MCPH1: variants seen among roughly 807,000 people sequenced by gnomAD.
MCPH1 encodes the protein microcephalin.
A neutral mutation model predicts 84.5 loss-of-function variants in MCPH1; 104 were observed. The observed-to-expected ratio is 1.23, with a 90% CI of 1.05 to 1.45. The LOEUF (loss-of-function observed/expected upper bound fraction) is 1.45. Ranked by LOEUF, MCPH1 falls within the 40% of genes most tolerant of loss-of-function variation. The pLI is 0.00. For synonymous variants in MCPH1, 514 were observed against 366.8 expected, an observed-to-expected ratio of 1.40 and a Z score of -4.58; for missense variants, 1,498 against 1,005.7, an observed-to-expected ratio of 1.49 and a Z score of -6.62.
chr8:6,407,446 C>G (rs1797900859), intron 1 of MCPH1, among the ~76,000 whole-genome samples: 3 of 152,228 alleles, frequency 2.0e-5, no homozygotes, highest in African/African-American at 7.2e-5. Flanking sequence ...ACCGGAGCTG[C>G]TGTCCTAACC....
At chr8:6,493,744 C>G (rs1179466558) in intron 11 of MCPH1, among the ~76,000 whole-genome samples, 3 of 152,134 alleles carry the variant, frequency 2.0e-5, no homozygotes, top group Non-Finnish European at 4.4e-5. Context: ...GACCGGGGAT[C>G]TCTGTCGTAT....
rs1798130485 is a variant in MCPH1, at chr8:6,644,723, C to T, written c.*1674C>T. Reference sequence around the variant, plus strand: ...ACTGAGCCCTCATCGTGGTGCCGTTCCCGCTCTGGGTTATTTATCTGTTGC... The same window carrying T: ...ACTGAGCCCTCATCGTGGTGCCGTTTCCGCTCTGGGTTATTTATCTGTTGC... On this transcript the variant is annotated 3_prime_UTR_variant, in exon 14 of 14. Coordinates refer to ENST00000344683, the MANE Select transcript of MCPH1 (RefSeq NM_024596.5). The T allele has an allele frequency of 6.6e-6, 1 of 152,224 alleles. No individual in the cohort carries two copies. The highest frequency in any genetic ancestry group is 1.5e-5 in the Non-Finnish European group (1 of 68,046). 9.4% of individuals were successfully genotyped at this position (152,224 alleles called of 1,614,324 possible).
At position 6,642,984 on chromosome 8, in the gene MCPH1, C is replaced by T. The variant is rs776816440; in HGVS notation, c.2453-10C>T. On this transcript the variant is annotated splice_polypyrimidine_tract_variant and intron_variant, in intron 13 of 13. Coordinates refer to ENST00000344683, the MANE Select transcript of MCPH1 (RefSeq NM_024596.5). Reference sequence around the variant, plus strand: ...TATGAATGCTAAACTGCTTTTCGCTCTCTCTCTAGATTCCATCACCCAGCA... The same window carrying T: ...TATGAATGCTAAACTGCTTTTCGCTTTCTCTCTAGATTCCATCACCCAGCA... 3 of 1,613,694 alleles carry T rather than the reference C, an allele frequency of 1.9e-6. No homozygotes were observed. The highest frequency in any genetic ancestry group is 2.7e-5 in the African/African-American group (2 of 75,014).
At chr8:6,570,501 G>A (rs1438351016) in intron 12 of MCPH1, among the ~76,000 whole-genome samples, 2 of 152,164 alleles carry the variant, frequency 1.3e-5, no homozygotes, top group African/African-American at 2.4e-5. Flanking sequence ...TTTCATTTGC[G>A]GGTAGATAGA....
At chr8:6,492,334 T>C (rs879090969) in intron 11 of MCPH1, among the ~76,000 whole-genome samples, 3 of 152,202 alleles carry the variant, frequency 2.0e-5, no homozygotes, top group Non-Finnish European at 4.4e-5. Context: ...GTTTTTTTCT[T>C]GTAAATTTGT....
At chr8:6,564,980 AG>A (rs1826032132) in intron 12 of MCPH1, among the ~76,000 whole-genome samples, 1 of 152,218 alleles carries the variant, frequency 6.6e-6, no homozygotes. Context: ...TTAGTAGAAG[AG>A]GTAGTATGAT....
chr8:6,411,828 G>A (rs1370351348), intron 2 of MCPH1, among the ~76,000 whole-genome samples: 3 of 152,148 alleles, frequency 2.0e-5, no homozygotes, highest in Non-Finnish European at 4.4e-5. Flanking sequence ...GGGGTTGGGG[G>A]CGGGACGCGG....
intron 3 of MCPH1, among the ~76,000 whole-genome samples, chr8:6,425,888 G>A (rs982589129): frequency 6.6e-6 from 1 of 152,118 alleles, no homozygotes; most frequent in African/African-American, 2.4e-5. Context: ...TTGATAACAC[G>A]ATTATCTAGG....
chr8:6,513,163 A>G (rs577249511), intron 12 of MCPH1, among the ~76,000 whole-genome samples: 147 of 152,338 alleles, frequency 9.6e-4, no homozygotes, highest in African/African-American at 3.5e-3. Flanking sequence ...CACAATGGAC[A>G]AAATACTGTT....
chr8:6,500,174 C>A, intron 12 of MCPH1: 1 of 500,846 alleles, frequency 2.0e-6, no homozygotes, highest in South Asian at 2.1e-5. Context: ...TTAACATCCT[C>A]AGAACTGAGA....
At chr8:6,611,251 G>A (rs573830413) in intron 12 of MCPH1, among the ~76,000 whole-genome samples, 1 of 152,218 alleles carries the variant, frequency 6.6e-6, no homozygotes, top group South Asian at 2.1e-4. Flanking sequence ...TCCAATTGTG[G>A]CACCGCCTGC....
At chr8:6,439,886 C>T (rs1464535589) in intron 6 of MCPH1, among the ~76,000 whole-genome samples, 3 of 152,202 alleles carry the variant, frequency 2.0e-5, no homozygotes, top group East Asian at 1.9e-4. Flanking sequence ...TTGTACTCTT[C>T]TACCTGGGGG....
intron 12 of MCPH1, among the ~76,000 whole-genome samples, chr8:6,589,595 G>A (rs530871317): frequency 7.9e-5 from 12 of 152,310 alleles, no homozygotes; most frequent in African/African-American, 2.4e-4. Context: ...AAGCTTCAGT[G>A]ACTGCCTACT....
chr8:6,447,114 C>T, intron 8 of MCPH1: 1 of 985,454 alleles, frequency 1.0e-6, no homozygotes, highest in Non-Finnish European at 1.2e-6. Flanking sequence ...GACGGGAAGT[C>T]ACTGGGTTCT....
At chr8:6,613,329 C>T (rs1178746577) in intron 12 of MCPH1, among the ~76,000 whole-genome samples, 4 of 152,222 alleles carry the variant, frequency 2.6e-5, no homozygotes, top group African/African-American at 4.8e-5. Context: ...GGTCAGGGGA[C>T]TGGCACACCA....
intron 11 of MCPH1, among the ~76,000 whole-genome samples, chr8:6,491,635 C>T (rs1457339407): frequency 2.6e-4 from 40 of 152,022 alleles, no homozygotes; most frequent in Non-Finnish European, 5.1e-4. Flanking sequence ...CTCCCCCGAC[C>T]CCACAACAGG....
At chr8:6,557,669 TATG>T (rs534580066) in intron 12 of MCPH1, among the ~76,000 whole-genome samples, 4 of 137,472 alleles carry the variant, frequency 2.9e-5, no homozygotes, top group Admixed American at 7.7e-5. Flanking sequence ...TTATATTTAA[TATG>T]ATATATATGT....
At chr8:6,618,818 A>G (rs1831117347) in intron 12 of MCPH1, 1 of 152,180 alleles carries the variant, frequency 6.6e-6, no homozygotes, top group South Asian at 2.1e-4. Flanking sequence ...AAAATAAAGG[A>G]TGATTTCAGT....
At chr8:6,573,877 G>A (rs978930175) in intron 12 of MCPH1, among the ~76,000 whole-genome samples, 18 of 152,176 alleles carry the variant, frequency 1.2e-4, no homozygotes, top group South Asian at 4.1e-4. Flanking sequence ...ACATAAGGTG[G>A]CCAGAAAAAA....
Sources: allele counts gnomAD v4.1 joint callset (sites outside exome capture counted in the v4.1 genomes callset), GRCh38; gene constraint gnomAD v4.1.1; transcripts MANE v1.5; gene names NCBI Gene and HGNC (gene_info 2026-07-23, HGNC 2026-07-21).